Variants in CCDC81 observed in about 807,000 individuals in gnomAD.
The protein encoded by CCDC81 is coiled-coil domain-containing protein 81.
A neutral mutation model predicts 83.7 loss-of-function variants in CCDC81; 79 were observed. That is an observed-to-expected ratio of 0.94 (90% confidence interval 0.79 to 1.14). The LOEUF is 1.14. Among genes scored for constraint, CCDC81 ranks in the 50% most tolerant of loss-of-function variants. The pLI, the probability that CCDC81 is intolerant of heterozygous loss-of-function variation, is 0.00. For missense variants in CCDC81, 791 were observed against 778.1 expected (o/e 1.02, Z -0.20); for synonymous variants, 252 against 278.1 (o/e 0.91, Z 0.93).
chr11:86,396,079 C>A (rs1269932966), intron 5 of CCDC81, among the ~76,000 whole-genome samples: 1 of 152,192 alleles, frequency 6.6e-6, no homozygotes, highest in Non-Finnish European at 1.5e-5. Context: ...CTTCTTCCTT[C>A]AGTTCAGCCC....
intron 6 of CCDC81, among the ~76,000 whole-genome samples, chr11:86,399,920 C>T (rs761955117): frequency 2.6e-5 from 4 of 151,294 alleles, no homozygotes; most frequent in African/African-American, 9.7e-5. Flanking sequence ...GTCAGGAGTT[C>T]GAAGCCAGCC....
intron 1 of CCDC81, among the ~76,000 whole-genome samples, chr11:86,383,422 AG>A (rs1293404282): frequency 1.3e-5 from 2 of 152,234 alleles, no homozygotes; most frequent in Non-Finnish European, 2.9e-5. Context: ...TTTACAGAAC[AG>A]GCATGTAGGA....
chr11:86,379,767 AG>A (rs992174829), intron 1 of CCDC81, among the ~76,000 whole-genome samples: 1 of 152,178 alleles, frequency 6.6e-6, no homozygotes, highest in Non-Finnish European at 1.5e-5. Flanking sequence ...GCTGGAGTCC[AG>A]GAGTCCAGGA....
chr11:86,387,817 G>T lies in CCDC81; in HGVS notation c.298+145G>T, dbSNP rs74469418. On this transcript the variant is annotated intron_variant, in intron 3 of 14. Transcript: ENST00000445632. ...CACAAGGTGCTTTTGGCAGAGGGAGGGGCCAAAGTGGAAAAATAATAGAGT... is the reference window on the plus strand; with the variant it reads ...CACAAGGTGCTTTTGGCAGAGGGAGTGGCCAAAGTGGAAAAATAATAGAGT... 6.8e-3 allele frequency: 4,059 copies of T among 598,062 alleles called. 134 individuals are homozygous for T. In the African/African-American group the frequency reaches 0.068, roughly 10 times the overall value. 37.0% of individuals were successfully genotyped at this position (598,062 alleles called of 1,614,324 possible).
rs1948778000 is a variant in CCDC81, at chr11:86,420,669, T to C, written c.1817+616T>C. Among the ~76,000 whole-genome samples the C allele has an allele frequency of 2.0e-5, 3 of 152,300 alleles. No individual in the cohort carries two copies. The South Asian group carries it at 6.2e-4, about 32-fold the overall frequency. The stretch of plus-strand genomic sequence containing the variant: ...TTATTAAAACCCAAATATACCAAAA[T>C]AATAGTTTAAATTGCCAATTATCAG... On this transcript the variant is annotated intron_variant, in intron 14 of 14. Transcript: ENST00000445632.
At chr11:86,404,635 G>A (rs971062901) in intron 7 of CCDC81, among the ~76,000 whole-genome samples, 13 of 152,196 alleles carry the variant, frequency 8.5e-5, no homozygotes, top group African/African-American at 3.1e-4. Context: ...CTCAAGGATT[G>A]TGGATCCTGA....
intron 3 of CCDC81, among the ~76,000 whole-genome samples, chr11:86,388,136 G>A (rs78584922): frequency 0.064 from 9,802 of 151,978 alleles, 813 homozygotes; most frequent in African/African-American, 0.2. Context: ...AAGACTTAAT[G>A]CATACCTTAT....
At chr11:86,421,896 G>A (rs566031585) in intron 14 of CCDC81, among the ~76,000 whole-genome samples, 5 of 148,594 alleles carry the variant, frequency 3.4e-5, no homozygotes, top group Non-Finnish European at 5.9e-5. Context: ...TGGTGACAGA[G>A]GGAGACCTAG....
At chr11:86,386,198 T>A (rs1012791997) in intron 2 of CCDC81, 86 bp downstream of exon 2, 22 of 405,978 alleles carry the variant, frequency 5.4e-5, no homozygotes, top group African/African-American at 1.1e-4. Flanking sequence ...CTTCATAGTC[T>A]TATATAATGT....
At chr11:86,380,645 G>A (rs188619676) in intron 1 of CCDC81, among the ~76,000 whole-genome samples, 13 of 151,760 alleles carry the variant, frequency 8.6e-5, no homozygotes, top group Non-Finnish European at 7.4e-5. Flanking sequence ...GTCTTTGTTC[G>A]CTTTCCTTTT....
intron 7 of CCDC81, among the ~76,000 whole-genome samples, chr11:86,402,730 T>C (rs578178633): frequency 6.6e-6 from 1 of 152,354 alleles, no homozygotes; most frequent in East Asian, 1.9e-4. Context: ...AACAGTAATA[T>C]GAGAGAGTGC....
chr11:86,416,897 T>A (rs1948727194), intron 13 of CCDC81, among the ~76,000 whole-genome samples: 1 of 152,328 alleles, frequency 6.6e-6, no homozygotes, highest in South Asian at 2.1e-4. Context: ...ACTTGTTTTT[T>A]TTCTTTTTGC....
chr11:86,399,237 C>T (rs1483691563), intron 6 of CCDC81, among the ~76,000 whole-genome samples: 1 of 152,272 alleles, frequency 6.6e-6, no homozygotes, highest in African/African-American at 2.4e-5. Flanking sequence ...AACTTTTAGC[C>T]TAATATTCAT....
In CCDC81 at chr11:86,422,757, T is replaced by C; in HGVS notation, c.*42T>C. 1.9e-6 allele frequency: 3 copies of C among 1,591,776 alleles called. No homozygotes were observed. The highest frequency in any genetic ancestry group is 1.7e-6 in the Non-Finnish European group (2 of 1,164,544). On this transcript the variant is annotated 3_prime_UTR_variant, in exon 15 of 15. Transcript: ENST00000445632. ...CTTCGTTTCCCGGGGAAAGTTTTTA[T>C]CTTTTACATGTTTGGGGGTGATTGT...
rs560965042 is a variant in CCDC81 at position 86,400,130 on chromosome 11, CAAAAAAAA to C, written c.758-537_758-530del. 1.9e-5 allele frequency among the ~76,000 whole-genome samples: 2 copies of C among 106,510 alleles called. 1 individual carries two copies. 69.9% of individuals were successfully genotyped at this position (106,510 alleles called of 152,430 possible). A position where few individuals can be genotyped will look rare whatever the true frequency, so the allele number is the denominator to read the frequency against. On this transcript the variant is annotated intron_variant, in intron 6 of 14. Coordinates refer to ENST00000445632, the MANE Select transcript of CCDC81 (RefSeq NM_001156474.2). ...TGGGCGACAGAGTCAGACTCCATCT[CAAAAAAAA>C]AAAAAAAAAAGAAAAAGACTGCAAC...
intron 6 of CCDC81, 148 bp downstream of exon 6, chr11:86,397,890 C>T: frequency 1.1e-6 from 1 of 916,058 alleles, no homozygotes; most frequent in Non-Finnish European, 1.5e-6. Context: ...CTCGCTGTTG[C>T]CCAGGCTGTA....
chr11:86,381,355 T>C lies in CCDC81; in HGVS notation c.80-4696T>C, dbSNP rs187367155. Among the ~76,000 whole-genome samples, 589 of 152,336 alleles carry C rather than the reference T, an allele frequency of 3.9e-3. 3 individuals are homozygous for C. The highest frequency in any genetic ancestry group is 0.013 in the African/African-American group (554 of 41,564). ...CATATTTAAAAATGGTATTTTTTTC[T>C]TCCTCCCACCTGAAGCACAAGGAGA... On this transcript the variant is annotated intron_variant, in intron 1 of 14. Coordinates refer to ENST00000445632, the MANE Select transcript of CCDC81 (RefSeq NM_001156474.2).
chr11:86,379,408 TA>T (rs1355075884), intron 1 of CCDC81, among the ~76,000 whole-genome samples: 4 of 152,146 alleles, frequency 2.6e-5, no homozygotes, highest in South Asian at 2.1e-4. Context: ...GTTATACTTT[TA>T]AAAAAAATTT....
At chr11:86,376,031 G>T (rs1053052428) in intron 1 of CCDC81, among the ~76,000 whole-genome samples, 14 of 152,148 alleles carry the variant, frequency 9.2e-5, no homozygotes, top group African/African-American at 3.4e-4. Flanking sequence ...ATGGCTTAAT[G>T]AATTTAAAAA....
Sources: gnomAD v4.1 joint callset for allele counts (sites outside exome capture counted in the v4.1 genomes callset) on GRCh38, gnomAD v4.1.1 for gene constraint, MANE v1.5 for transcripts, NCBI Gene and HGNC (gene_info 2026-07-23, HGNC 2026-07-21) for gene names.